BMPER: variants seen among roughly 807,000 people sequenced by gnomAD.
The protein encoded by BMPER is BMP-binding endothelial regulator protein.
In BMPER, 45 loss-of-function variants were observed where a neutral mutation model predicts 87.3. The ratio of observed to expected loss-of-function variants is 0.52; its 90% confidence interval spans 0.41 to 0.66. BMPER has a LOEUF of 0.66. Among genes scored for constraint, BMPER ranks in the 30% least tolerant of loss-of-function variants. The pLI, the probability that BMPER is intolerant of heterozygous loss-of-function variation, is 0.00. For missense variants in BMPER, 784 were observed against 867.5 expected, an observed-to-expected ratio of 0.90 and a Z score of 1.21; for synonymous variants, 326 against 316.2, an observed-to-expected ratio of 1.03 and a Z score of -0.33.
At chr7:33,920,713 T>G (rs968900216) in intron 2 of BMPER, among the ~76,000 whole-genome samples, 7 of 152,030 alleles carry the variant, frequency 4.6e-5, no homozygotes, top group Admixed American at 2.0e-4. Flanking sequence ...GCGTGAGCCA[T>G]CGCACCTGGC....
intron 11 of BMPER, among the ~76,000 whole-genome samples, chr7:34,076,300 AAAAAC>A: frequency 6.6e-6 from 1 of 152,340 alleles, no homozygotes; most frequent in East Asian, 1.9e-4. Flanking sequence ...TTTGACTCTA[AAAAAC>A]AAAACAAAAA....
At chr7:33,944,853 C>T (rs1784847185) in intron 3 of BMPER, among the ~76,000 whole-genome samples, 1 of 152,162 alleles carries the variant, frequency 6.6e-6, no homozygotes, top group Non-Finnish European at 1.5e-5. Flanking sequence ...CTACTATGCT[C>T]ATTCTTTATG....
chr7:34,078,147 T>C (rs1788913598), intron 11 of BMPER, among the ~76,000 whole-genome samples: 1 of 152,230 alleles, frequency 6.6e-6, no homozygotes, highest in Admixed American at 6.5e-5. Flanking sequence ...TATTTCAGAA[T>C]GATGACTTTA....
At chr7:33,910,860 T>TA (rs1292338244) in intron 2 of BMPER, among the ~76,000 whole-genome samples, 1 of 152,188 alleles carries the variant, frequency 6.6e-6, no homozygotes, top group East Asian at 1.9e-4. Context: ...CTTATCTCCA[T>TA]AAAATCCTCA....
In BMPER at chr7:34,005,275, G is replaced by A. The variant is rs115547811; in HGVS notation, c.576+30491G>A. On this transcript the variant is annotated intron_variant, in intron 6 of 14. Transcript: ENST00000649409. ...AAGCTACTATGATTGTTAAGCTATTGTTTTTTAAAACTATTGTAACACTGG... is the reference window on the plus strand; with the variant it reads ...AAGCTACTATGATTGTTAAGCTATTATTTTTTAAAACTATTGTAACACTGG... 1.1e-3 allele frequency among the ~76,000 whole-genome samples: 160 copies of A among 152,030 alleles called. 1 individual carries two copies. Among genetic ancestry groups the A allele is most frequent in the African/African-American group, 3.8e-3 (156 of 41,460 alleles).
intron 8 of BMPER, among the ~76,000 whole-genome samples, chr7:34,054,856 G>C (rs188675752): frequency 2.9e-4 from 44 of 152,326 alleles, no homozygotes; most frequent in Admixed American, 5.2e-4. Context: ...GGTGGTTCGT[G>C]GGGAGCTGGG....
intron 6 of BMPER, among the ~76,000 whole-genome samples, chr7:33,983,901 A>T (rs1002481687): frequency 1.3e-5 from 2 of 152,184 alleles, no homozygotes; most frequent in Non-Finnish European, 2.9e-5. Context: ...ACAATAAAAG[A>T]ATAAATTACA....
chr7:34,029,275 C>T (rs1366913822), intron 6 of BMPER, among the ~76,000 whole-genome samples: 2 of 152,048 alleles, frequency 1.3e-5, no homozygotes, highest in African/African-American at 4.8e-5. Context: ...ATTGGGAAAG[C>T]TGGTTCAAAC....
intron 2 of BMPER, among the ~76,000 whole-genome samples, chr7:33,910,248 A>G (rs1411615368): frequency 1.3e-5 from 2 of 152,206 alleles, no homozygotes; most frequent in African/African-American, 4.8e-5. Flanking sequence ...GGAAGCCAAC[A>G]GTTATTACTG....
intron 6 of BMPER, among the ~76,000 whole-genome samples, chr7:34,037,796 T>C (rs892000184): frequency 2.0e-5 from 3 of 152,216 alleles, no homozygotes. Flanking sequence ...AAACATTGGA[T>C]TGTCTGGTTT....
chr7:34,052,030 C>T (rs1262665072), intron 8 of BMPER, 60 bp downstream of exon 8: 12 of 1,392,886 alleles, frequency 8.6e-6, no homozygotes, highest in Non-Finnish European at 1.2e-5. Flanking sequence ...TCAGTGTTAA[C>T]ATCACAGCCA....
chr7:34,037,717 G>A (rs961979123), intron 6 of BMPER, among the ~76,000 whole-genome samples: 2 of 152,220 alleles, frequency 1.3e-5, no homozygotes, highest in Admixed American at 6.5e-5. Flanking sequence ...AACACCGAAA[G>A]TTGCTCCTGA....
At chr7:34,018,623 A>G (rs1019694618) in intron 6 of BMPER, among the ~76,000 whole-genome samples, 1 of 151,826 alleles carries the variant, frequency 6.6e-6, no homozygotes, top group Non-Finnish European at 1.5e-5. Flanking sequence ...CACTTGGTGA[A>G]TGCTTCGAGT....
chr7:33,966,537 G>T lies in BMPER; in HGVS notation c.378G>T (p.Glu126Asp). ...NSSFKWQSPA[E>D]PCVLRQCQEG... ...CCTTCAAATGGCAGAGCCCGGCTGA[G>T]CCTTGTGTTCTACGCCAGTGCCAGG... Residue 126 changes from glutamate to aspartate, a missense_variant, in exon 4 of 15, where the codon GAG becomes GAT. Glu to Asp is a conservative substitution (Grantham distance 45). Transcript: ENST00000649409. The T allele has an allele frequency of 6.2e-7, 1 of 1,613,858 alleles. No homozygotes were observed. The highest frequency in any genetic ancestry group is 1.1e-5 in the South Asian group (1 of 91,076).
chr7:33,959,204 A>C (rs1785213988), intron 3 of BMPER, among the ~76,000 whole-genome samples: 1 of 152,192 alleles, frequency 6.6e-6, no homozygotes, highest in Non-Finnish European at 1.5e-5. Flanking sequence ...GAATAAAATT[A>C]AGTCCTATGT....
Position 34,078,865 on chromosome 7 carries a change from G to T in BMPER, c.1087G>T (p.Val363Phe), listed in dbSNP as rs117322489. The T allele has an allele frequency of 1.2e-6, 2 of 1,614,044 alleles. No homozygotes were observed. The highest frequency in any genetic ancestry group is 1.1e-5 in the South Asian group (1 of 91,076). The change falls in exon 12 of 15, where the codon GTT becomes TTT. Residue 363 changes from valine (V) to phenylalanine (F), a missense_variant. Physicochemically the swap from Val to Phe is conservative, Grantham distance 50. Transcript: ENST00000649409. The part of the protein sequence containing the change: ...CCPICTEKPG[V>F]CTVFGDPHYN... ...CTCTCACTCCTCCGCAGAGCCCGGC[G>T]TTTGCACGGTGTTTGGAGATCCCCA...
intron 13 of BMPER, among the ~76,000 whole-genome samples, chr7:34,116,566 A>C (rs1790123676): frequency 6.6e-6 from 1 of 152,206 alleles, no homozygotes; most frequent in Middle Eastern, 3.2e-3. Context: ...TAGAGATTAG[A>C]TTTTTAAATT....
intron 3 of BMPER, among the ~76,000 whole-genome samples, chr7:33,952,250 A>G (rs1232369071): frequency 1.3e-5 from 2 of 152,170 alleles, no homozygotes; most frequent in East Asian, 3.8e-4. Context: ...GCTGCTCTTA[A>G]AATGATTCTG....
intron 6 of BMPER, among the ~76,000 whole-genome samples, chr7:33,981,445 AT>A (rs1785857121): frequency 6.6e-6 from 1 of 152,096 alleles, no homozygotes; most frequent in Non-Finnish European, 1.5e-5. Flanking sequence ...GCTTGTTCTG[AT>A]TCCCAAGACC....
Sources: allele counts gnomAD v4.1 joint callset (sites outside exome capture counted in the v4.1 genomes callset), GRCh38; gene constraint gnomAD v4.1.1; transcripts MANE v1.5; gene names NCBI Gene and HGNC (gene_info 2026-07-23, HGNC 2026-07-21).